Variants in VAT1L observed in about 807,000 individuals in gnomAD.
VAT1L encodes the protein putative NADPH-dependent quinone oxidoreductase VAT1L.
Under a neutral mutation model 44.1 loss-of-function variants are expected in VAT1L, and 34 were observed. The ratio of observed to expected loss-of-function variants is 0.77; its 90% CI spans 0.59 to 1.03. The LOEUF is 1.03. Ranked by LOEUF, VAT1L falls within the 50% of genes least tolerant of loss-of-function variation. The pLI, the probability that VAT1L is intolerant of heterozygous loss-of-function variation, is 0.00. For missense variants in VAT1L, 615 were observed against 538.8 expected (o/e 1.14, Z -1.40); for synonymous variants, 253 against 202.2 (o/e 1.25, Z -2.13).
At position 77,895,100 on chromosome 16, in the gene VAT1L, C is replaced by CCCCACACACACACACACACA. The variant is rs1555517699; in HGVS notation, c.1077+10299_1077+10300insCCACACACACACACACACAC. Among the ~76,000 whole-genome samples, 6 of 145,152 alleles carry CCCCACACACACACACACACA rather than the reference C, an allele frequency of 4.1e-5. No homozygotes were observed. In the East Asian group the frequency reaches 1.0e-3, roughly 24 times the overall value. The stretch of plus-strand genomic sequence containing the variant: ...CAACGTGATCACCCCAGCCACTTGC[C>CCCCACACACACACACACACA]CACACACACACACACACTCACACAT... On this transcript the variant is annotated intron_variant, in intron 7 of 8. Coordinates refer to ENST00000302536, the MANE Select transcript of VAT1L (RefSeq NM_020927.3).
intron 3 of VAT1L, among the ~76,000 whole-genome samples, chr16:77,834,229 T>C (rs1370915906): frequency 1.3e-5 from 2 of 152,320 alleles, no homozygotes; most frequent in East Asian, 3.9e-4. Flanking sequence ...ACTTTTCCTC[T>C]ATTTCTCCTT....
chr16:77,937,077 T>C (rs1429485226), intron 7 of VAT1L, among the ~76,000 whole-genome samples: 2 of 151,984 alleles, frequency 1.3e-5, no homozygotes, highest in Non-Finnish European at 2.9e-5. Flanking sequence ...AGAGACGGGG[T>C]TCACCATGTT....
At chr16:77,902,972 G>GAAAAAAAA (rs11307214) in intron 7 of VAT1L, among the ~76,000 whole-genome samples, 5 of 96,370 alleles carry the variant, frequency 5.2e-5, no homozygotes, top group African/African-American at 1.2e-4. Flanking sequence ...GACTCTGTCT[G>GAAAAAAAA]AAAAAAAAAA....
intron 8 of VAT1L, among the ~76,000 whole-genome samples, chr16:77,976,381 A>G (rs1411769183): frequency 6.6e-6 from 1 of 152,174 alleles, no homozygotes; most frequent in African/African-American, 2.4e-5. Context: ...AAACATAGGT[A>G]TGGACTGGAT....
At chr16:77,898,067 G>C (rs1479416683) in intron 7 of VAT1L, among the ~76,000 whole-genome samples, 2 of 152,074 alleles carry the variant, frequency 1.3e-5, no homozygotes, top group South Asian at 2.1e-4. Context: ...ATCTCTCTTA[G>C]GTCTGGCAAT....
chr16:77,863,850 A>T (rs535071533), intron 4 of VAT1L, among the ~76,000 whole-genome samples: 56 of 152,316 alleles, frequency 3.7e-4, no homozygotes, highest in African/African-American at 1.3e-3. Context: ...ACACCAATCC[A>T]GCAAATGTGG....
chr16:77,924,999 A>G (rs2017650681), intron 7 of VAT1L, among the ~76,000 whole-genome samples: 1 of 152,172 alleles, frequency 6.6e-6, no homozygotes, highest in Non-Finnish European at 1.5e-5. Flanking sequence ...TAGTGTATGC[A>G]TTAAAGGTAA....
chr16:77,902,075 T>A (rs889026537), intron 7 of VAT1L, among the ~76,000 whole-genome samples: 1 of 152,214 alleles, frequency 6.6e-6, no homozygotes, highest in African/African-American at 2.4e-5. Context: ...GGTCTTCCAA[T>A]GTGCTGCATT....
intron 6 of VAT1L, among the ~76,000 whole-genome samples, chr16:77,881,742 A>T (rs934001850): frequency 1.5e-4 from 23 of 152,230 alleles, no homozygotes; most frequent in Non-Finnish European, 2.9e-4. Context: ...GAGGAGCAAG[A>T]ATGGAGTGTA....
rs553702207 is a variant in VAT1L at position 77,814,201 on chromosome 16, C to G, written c.234-2720C>G. ...ACACAAACTAAACGCTCAGCAAAAGCTAGCTATATCCAAATCAGGAGAAAC... is the reference window on the plus strand; with the variant it reads ...ACACAAACTAAACGCTCAGCAAAAGGTAGCTATATCCAAATCAGGAGAAAC... On this transcript the variant is annotated intron_variant, in intron 1 of 8. Transcript: ENST00000302536. Among the ~76,000 whole-genome samples the G allele has an allele frequency of 8.5e-5, 13 of 152,272 alleles. No homozygotes were observed. In the South Asian group the frequency reaches 2.7e-3, roughly 32 times the overall value.
At position 77,879,912 on chromosome 16, in the gene VAT1L, T is replaced by A. The variant is rs537127993; in HGVS notation, c.882+688T>A. On this transcript the variant is annotated intron_variant, in intron 6 of 8. Transcript: ENST00000302536. This position sits in a 1 kb window ranked among gnomAD's most constrained non-coding sequence, Gnocchi z 4.1. ...ACCAGGTCTCTGGGGGTACTTGAGATTTCTCTGTCTCCCCATCCTCTTGAA... is the reference window on the plus strand; with the variant it reads ...ACCAGGTCTCTGGGGGTACTTGAGAATTCTCTGTCTCCCCATCCTCTTGAA... Among the ~76,000 whole-genome samples, 4 of 152,176 alleles carry A rather than the reference T, an allele frequency of 2.6e-5. No homozygotes were observed. In the South Asian group the frequency reaches 8.3e-4, roughly 31 times the overall value.
At position 77,887,643 on chromosome 16, in the gene VAT1L, A is replaced by G. The variant is rs369845198; in HGVS notation, c.1077+2841A>G. Among the ~76,000 whole-genome samples the G allele has an allele frequency of 9.9e-5, 15 of 152,268 alleles. No homozygotes were observed. The South Asian group carries it at 3.1e-3, about 32-fold the overall frequency. ...ACTGGCTCAAAGACTGAGTCCACTA[A>G]GGATACAGAGCAAAGGTACTCAGGA... On this transcript the variant is annotated intron_variant, in intron 7 of 8. Transcript: ENST00000302536.
intron 4 of VAT1L, among the ~76,000 whole-genome samples, chr16:77,867,804 AG>A (rs1414011835): frequency 1.3e-5 from 2 of 151,642 alleles, no homozygotes; most frequent in African/African-American, 4.8e-5. Flanking sequence ...GGTTGCAGTG[AG>A]CCCAGATTAT....
chr16:77,951,538 T>C (rs543739208), intron 7 of VAT1L, among the ~76,000 whole-genome samples: 1 of 149,874 alleles, frequency 6.7e-6, no homozygotes, highest in East Asian at 2.0e-4. Context: ...GGAGTGAGAC[T>C]CTGTCTCAAA....
Position 77,788,929 on chromosome 16 carries a change from G to T in VAT1L, c.233+14G>T, listed in dbSNP as rs1271777514. ...CGTCAAAGCCTGGTCCAGTATCCGC[G>T]CCTTTCTCGCTTTCTCTCTTTTTGC... is the stretch of plus-strand genomic sequence containing the variant. On this transcript the variant is annotated intron_variant, in intron 1 of 8. Coordinates refer to ENST00000302536, the MANE Select transcript of VAT1L (RefSeq NM_020927.3). 8 of 1,462,116 alleles carry T rather than the reference G, an allele frequency of 5.5e-6. No homozygotes were observed. The highest frequency in any genetic ancestry group is 1.4e-5 in the South Asian group (1 of 70,900). 90.6% of individuals were successfully genotyped at this position (1,462,116 alleles called of 1,614,324 possible). A position where few individuals can be genotyped will look rare whatever the true frequency, so the allele number is the denominator to read the frequency against.
intron 2 of VAT1L, among the ~76,000 whole-genome samples, chr16:77,824,166 G>T (rs1385495307): frequency 6.6e-6 from 1 of 152,206 alleles, no homozygotes; most frequent in Non-Finnish European, 1.5e-5. Flanking sequence ...CCAGGTGAAA[G>T]GTGGTTTCAG....
chr16:77,921,985 C>T (rs544309516), intron 7 of VAT1L, among the ~76,000 whole-genome samples: 1 of 152,186 alleles, frequency 6.6e-6, no homozygotes, highest in South Asian at 2.1e-4. Context: ...TGGGCTCAAG[C>T]AATTCTCTTG....
chr16:77,884,728 G>A lies in VAT1L; in HGVS notation c.1003G>A (p.Val335Met). The A allele has an allele frequency of 6.2e-7, 1 of 1,605,490 alleles. No homozygotes were observed. The highest frequency in any genetic ancestry group is 1.3e-5 in the African/African-American group (1 of 74,714). The change falls in exon 7 of 9, where the codon GTG (valine) becomes ATG (methionine). Residue 335 changes from valine (V) to methionine (M), a missense_variant. Coordinates refer to ENST00000302536, the MANE Select transcript of VAT1L (RefSeq NM_020927.3). This position sits in a 1 kb window ranked among gnomAD's most constrained non-coding sequence, Gnocchi z 4.5. ...QGRAGLIRGV[V>M]EKLIGLYNQK... ...CCGGGCGGGCCTCATTCGGGGAGTG[G>A]TGGAAAAACTCATAGGGCTCTACAA...
rs577405380 is a variant in VAT1L at position 77,944,394 on chromosome 16, G to A, written c.1078-27456G>A. ...ACTCCCCAGGCAGAGGTATAAAGAT[G>A]TCTCCGACTTGTTAAAGCAATAAAT... On this transcript the variant is annotated intron_variant, in intron 7 of 8. Coordinates refer to ENST00000302536, the MANE Select transcript of VAT1L (RefSeq NM_020927.3). Among the ~76,000 whole-genome samples, 7 of 152,288 alleles carry A rather than the reference G, an allele frequency of 4.6e-5. No homozygotes were observed. In the East Asian group the frequency reaches 1.2e-3, roughly 25 times the overall value.
Sources: allele counts gnomAD v4.1 joint callset (sites outside exome capture counted in the v4.1 genomes callset), GRCh38; gene constraint gnomAD v4.1.1; non-coding constraint Gnocchi (gnomAD v3.1); transcripts MANE v1.5; gene names NCBI Gene and HGNC (gene_info 2026-07-23, HGNC 2026-07-21).